WWTR1: variants seen among roughly 807,000 people sequenced by gnomAD.
WWTR1 encodes the protein WW domain-containing transcription regulator protein 1.
A neutral mutation model predicts 40.1 loss-of-function variants in WWTR1; 13 were observed. The ratio of observed to expected loss-of-function variants is 0.32; its 90% CI spans 0.21 to 0.52. The LOEUF (loss-of-function observed/expected upper bound fraction) is 0.52. Among genes scored for constraint, WWTR1 ranks in the 20% least tolerant of loss-of-function variants. The pLI is 0.97. For synonymous variants in WWTR1, 230 were observed against 210.1 expected, an observed-to-expected ratio of 1.09 and a Z score of -0.82; for missense variants, 436 against 523.1, an observed-to-expected ratio of 0.83 and a Z score of 1.63.
chr3:149,622,490 GAAGGAAGGAAGGAAGA>G (rs1216386822), intron 2 of WWTR1, among the ~76,000 whole-genome samples: 27 of 62,722 alleles, frequency 4.3e-4, no homozygotes, highest in African/African-American at 1.4e-3. Context: ...AGGAAGGAAG[GAAGGAAGGAAGGAAGA>G]AAGAAAGAAA....
At chr3:149,676,703 A>G (rs1425352234) in intron 1 of WWTR1, among the ~76,000 whole-genome samples, 1 of 152,062 alleles carries the variant, frequency 6.6e-6, no homozygotes, top group Non-Finnish European at 1.5e-5. Flanking sequence ...GGGTCTGCCT[A>G]TTTTCAAGGT....
chr3:149,651,673 A>G (rs1263656237), intron 2 of WWTR1, among the ~76,000 whole-genome samples: 1 of 152,142 alleles, frequency 6.6e-6, no homozygotes, highest in Non-Finnish European at 1.5e-5. Flanking sequence ...AAAACAAAAA[A>G]TCCCATTTGA....
chr3:149,666,580 T>A (rs1208898041), intron 2 of WWTR1, among the ~76,000 whole-genome samples: 2 of 152,188 alleles, frequency 1.3e-5, no homozygotes, highest in African/African-American at 4.8e-5. Context: ...ATAAATCATA[T>A]TTATATAATA....
intron 2 of WWTR1, among the ~76,000 whole-genome samples, chr3:149,581,224 C>T (rs1162014053): frequency 6.6e-6 from 1 of 152,070 alleles, no homozygotes; most frequent in Non-Finnish European, 1.5e-5. Flanking sequence ...CTAAACGGCA[C>T]CATCTCCTGC....
intron 3 of WWTR1, among the ~76,000 whole-genome samples, chr3:149,570,936 C>T (rs1445802728): frequency 6.6e-6 from 1 of 152,096 alleles, no homozygotes; most frequent in African/African-American, 2.4e-5. Context: ...CTAGTAACAA[C>T]CTAAATATCT....
At chr3:149,705,778 T>A (rs1327981700), upstream of WWTR1, among the ~76,000 whole-genome samples, 1 of 152,218 alleles carries the variant, frequency 6.6e-6, no homozygotes, top group Non-Finnish European at 1.5e-5. Flanking sequence ...ATAGTTATAA[T>A]TTTCAAAATG....
chr3:149,589,244 T>C (rs1472544712), intron 2 of WWTR1, among the ~76,000 whole-genome samples: 2 of 152,204 alleles, frequency 1.3e-5, no homozygotes, highest in Non-Finnish European at 2.9e-5. Flanking sequence ...GCGGCATTTA[T>C]TGTATCTAGA....
chr3:149,530,627 A>G (rs1576539770), intron 4 of WWTR1, among the ~76,000 whole-genome samples: 1 of 151,710 alleles, frequency 6.6e-6, no homozygotes, highest in South Asian at 2.1e-4. Flanking sequence ...AAATATATAA[A>G]TAAAATATAT....
chr3:149,580,801 T>C (rs1265301831), intron 2 of WWTR1, among the ~76,000 whole-genome samples: 4 of 151,950 alleles, frequency 2.6e-5, no homozygotes, highest in African/African-American at 9.7e-5. Flanking sequence ...TTAGTAGAGA[T>C]GGGGTTTCAC....
At chr3:149,677,733 G>A (rs752804298) in intron 1 of WWTR1, among the ~76,000 whole-genome samples, 17 of 152,090 alleles carry the variant, frequency 1.1e-4, no homozygotes, top group South Asian at 4.1e-4. Flanking sequence ...CCAGTTACTC[G>A]GGAGGCTGAG....
At chr3:149,696,552 A>G (rs1714998393) in intron 1 of WWTR1, among the ~76,000 whole-genome samples, 1 of 152,224 alleles carries the variant, frequency 6.6e-6, no homozygotes, top group Non-Finnish European at 1.5e-5. Context: ...AAACAATTCA[A>G]TGTCCAATGG....
upstream of WWTR1, chr3:149,661,370 A>T (rs1713565500): frequency 6.6e-6 from 1 of 152,224 alleles, no homozygotes; most frequent in East Asian, 1.9e-4. Flanking sequence ...CAAAATATTG[A>T]AATGTTTTTT....
intron 2 of WWTR1, among the ~76,000 whole-genome samples, chr3:149,632,937 A>G (rs754524424): frequency 7.9e-5 from 12 of 152,260 alleles, no homozygotes; most frequent in Non-Finnish European, 1.8e-4. Flanking sequence ...GCTAATAGCT[A>G]TCTAGTTAGT....
chr3:149,625,215 G>C (rs368186364), intron 2 of WWTR1, among the ~76,000 whole-genome samples: 1 of 146,190 alleles, frequency 6.8e-6, no homozygotes, highest in Non-Finnish European at 1.5e-5. Context: ...TCTGCCTCCC[G>C]GGTTCATGCC....
chr3:149,693,729 A>G (rs1319144567), intron 1 of WWTR1, among the ~76,000 whole-genome samples: 1 of 152,220 alleles, frequency 6.6e-6, no homozygotes, highest in Non-Finnish European at 1.5e-5. Flanking sequence ...AGGTACCAAG[A>G]ACATACACTG....
chr3:149,565,265 C>T (rs1296874079), intron 3 of WWTR1, among the ~76,000 whole-genome samples: 1 of 151,698 alleles, frequency 6.6e-6, no homozygotes, highest in African/African-American at 2.4e-5. Context: ...ATAACTAACA[C>T]ATCTTTGTGT....
chr3:149,535,114 A>G (rs779888902), intron 4 of WWTR1, among the ~76,000 whole-genome samples: 50 of 152,258 alleles, frequency 3.3e-4, no homozygotes, highest in Middle Eastern at 6.8e-3. Context: ...AGGGAAACAA[A>G]TGACAATCAG....
intron 4 of WWTR1, among the ~76,000 whole-genome samples, chr3:149,536,280 C>T (rs187091196): frequency 3.3e-5 from 5 of 152,182 alleles, no homozygotes; most frequent in Non-Finnish European, 4.4e-5. Context: ...TTTATAGATT[C>T]ACAAAATATT....
intron 2 of WWTR1, among the ~76,000 whole-genome samples, chr3:149,590,436 G>A (rs994090984): frequency 6.6e-6 from 1 of 152,126 alleles, no homozygotes; most frequent in Non-Finnish European, 1.5e-5. Flanking sequence ...GGTCACCTGA[G>A]GTCAGGAGTT....
Sources: allele counts gnomAD v4.1 joint callset (sites outside exome capture counted in the v4.1 genomes callset), GRCh38; gene constraint gnomAD v4.1.1; transcripts MANE v1.5; gene names NCBI Gene and HGNC (gene_info 2026-07-23, HGNC 2026-07-21).